NAT1: variants seen among roughly 807,000 people sequenced by gnomAD.
The protein encoded by NAT1 is N-acetyltransferase 1.
For synonymous variants in NAT1, 144 were observed against 122.6 expected (o/e 1.17, Z -1.16); for missense variants, 400 against 339.2 (o/e 1.18, Z -1.41).
intron 2 of NAT1, among the ~76,000 whole-genome samples, chr8:18,184,742 T>A (rs59765184): frequency 0.14 from 21,288 of 152,168 alleles, 1,729 homozygotes; most frequent in East Asian, 0.27. Flanking sequence ...ATGAATGGAT[T>A]AATGCTGTTG....
intron 2 of NAT1, among the ~76,000 whole-genome samples, chr8:18,188,446 T>C (rs1417904172): frequency 6.6e-6 from 1 of 152,200 alleles, no homozygotes; most frequent in African/African-American, 2.4e-5. Flanking sequence ...GGGCAAAATA[T>C]ACATTTATAA....
chr8:18,185,270 A>C (rs967342703), intron 2 of NAT1, among the ~76,000 whole-genome samples: 1 of 152,200 alleles, frequency 6.6e-6, no homozygotes, highest in Non-Finnish European at 1.5e-5. Flanking sequence ...CAGCAAAGCC[A>C]TCTAGGCCGG....
At chr8:18,191,696 C>T (rs1802998148) in intron 2 of NAT1, among the ~76,000 whole-genome samples, 1 of 152,130 alleles carries the variant, frequency 6.6e-6, no homozygotes, top group Non-Finnish European at 1.5e-5. Context: ...CGCATATCTA[C>T]AACTATCTGA....
chr8:18,202,048 A>G (rs113508001), intron 2 of NAT1, among the ~76,000 whole-genome samples: 147 of 152,360 alleles, frequency 9.6e-4, no homozygotes, highest in African/African-American at 3.4e-3. Flanking sequence ...CTATAAAAGA[A>G]ATCCCCATTT....
At position 18,222,761 on chromosome 8, in the gene NAT1, C is replaced by G. The variant is rs780126469; in HGVS notation, c.714C>G (p.Thr238=). The part of the protein sequence containing the change: ...PDGVHCLVGF[T]LTHRRFNYKD... ...GGGTTCACTGTTTGGTGGGCTTCAC[C>G]CTCACCCATAGGAGATTCAATTATA... Residue 238 remains threonine (T), a synonymous_variant, in exon 3 of 3, where the codon ACC becomes ACG. Coordinates refer to ENST00000307719, the MANE Select transcript of NAT1 (RefSeq NM_000662.8). 4 of 1,613,726 alleles carry G rather than the reference C, an allele frequency of 2.5e-6. No homozygotes were observed. The South Asian group carries it at 4.4e-5, about 18-fold the overall frequency.
intron 2 of NAT1, among the ~76,000 whole-genome samples, chr8:18,176,876 T>C (rs945517743): frequency 2.0e-5 from 3 of 152,076 alleles, no homozygotes; most frequent in Non-Finnish European, 4.4e-5. Context: ...CCATTTATTG[T>C]GTCATCTTCA....
At chr8:18,217,182 G>C (rs946408643) in intron 1 of NAT1, among the ~76,000 whole-genome samples, 1 of 152,188 alleles carries the variant, frequency 6.6e-6, no homozygotes, top group African/African-American at 2.4e-5. Context: ...TATGGAGGGT[G>C]AGCCACAAAG....
chr8:18,180,437 T>C (rs2410472), intron 2 of NAT1, among the ~76,000 whole-genome samples: 2,171 of 152,256 alleles, frequency 0.014, 29 homozygotes, highest in Non-Finnish European at 0.02. Flanking sequence ...CAAAGATCTA[T>C]TGAGCACCTG....
intron 1 of NAT1, among the ~76,000 whole-genome samples, chr8:18,210,564 C>T (rs751506607): frequency 3.3e-5 from 5 of 152,302 alleles, no homozygotes; most frequent in Non-Finnish European, 7.4e-5. Context: ...ACTTTCTCAA[C>T]AGGATTTCCC....
chr8:18,204,611 C>T (rs1358547643), intron 2 of NAT1, among the ~76,000 whole-genome samples: 2 of 151,966 alleles, frequency 1.3e-5, no homozygotes, highest in Admixed American at 6.5e-5. Context: ...ATTGAGGAAA[C>T]ATCTTTCTAA....
upstream of NAT1, chr8:18,209,699 C>G (rs182241082): frequency 6.6e-6 from 1 of 152,314 alleles, no homozygotes; most frequent in East Asian, 1.9e-4. Flanking sequence ...TAAAAGAAGT[C>G]TAATGGGAAC....
intron 2 of NAT1, among the ~76,000 whole-genome samples, chr8:18,202,402 C>G (rs536063346): frequency 3.3e-4 from 50 of 152,270 alleles, no homozygotes; most frequent in African/African-American, 1.1e-3. Flanking sequence ...AAATGAAGAC[C>G]CTTATAAAGC....
intron 2 of NAT1, among the ~76,000 whole-genome samples, chr8:18,196,293 A>C (rs1803230710): frequency 6.6e-6 from 1 of 152,162 alleles, no homozygotes; most frequent in African/African-American, 2.4e-5. Flanking sequence ...AATGTAATTA[A>C]AGTTCTGAAT....
At position 18,189,009 on chromosome 8, in the gene NAT1, AAAAG is replaced by A. The variant is rs1554469683; in HGVS notation, n.92+18290_92+18293del. ...GACTCCGACTCAAAAAAAAAAAAAA[AAAAG>A]AAAGAAAGAAAGAAAGAAAATCAGT... is the stretch of plus-strand genomic sequence containing the variant. On this transcript the variant is annotated intron_variant and non_coding_transcript_variant, in intron 2 of 4. Coordinates refer to the NAT1 transcript ENST00000517441. Among the ~76,000 whole-genome samples, 1,097 of 149,052 alleles carry A rather than the reference AAAAG, an allele frequency of 7.4e-3. 27 individuals carry two copies. Among genetic ancestry groups the A allele is most frequent in the African/African-American group, 0.026 (1,059 of 40,278 alleles).
At chr8:18,195,211 A>G (rs1803183465) in intron 2 of NAT1, among the ~76,000 whole-genome samples, 1 of 152,142 alleles carries the variant, frequency 6.6e-6, no homozygotes, top group Admixed American at 6.5e-5. Context: ...TCTCTCTAAG[A>G]TTTCTGTTTC....
chr8:18,187,095 C>T (rs746905464), intron 2 of NAT1, among the ~76,000 whole-genome samples: 12 of 151,926 alleles, frequency 7.9e-5, no homozygotes, highest in Admixed American at 7.2e-4. Context: ...AGTGTTGTCT[C>T]GGAACTGGTG....
intron 2 of NAT1, among the ~76,000 whole-genome samples, chr8:18,199,368 G>A (rs1055969616): frequency 1.1e-4 from 16 of 150,836 alleles, no homozygotes; most frequent in African/African-American, 3.7e-4. Flanking sequence ...TCTTGTTGGC[G>A]TGATTTTTGC....
intron 2 of NAT1, among the ~76,000 whole-genome samples, chr8:18,194,305 T>C (rs760306707): frequency 2.0e-5 from 3 of 152,062 alleles, no homozygotes; most frequent in Admixed American, 6.6e-5. Context: ...GGGGAGAGGG[T>C]GAGGTGGCAT....
chr8:18,222,537 A>C lies in NAT1; in HGVS notation c.490A>C (p.Ile164Leu). Residue 164 changes from isoleucine (I) to leucine (L), a missense_variant, in exon 3 of 3, where the codon ATC becomes CTC. Transcript: ENST00000307719. ...EENGFWYLDQIRREQYIPNEE... is the reference protein window; with the variant it reads ...EENGFWYLDQLRREQYIPNEE... The stretch of plus-strand genomic sequence containing the variant: ...GAATGGATTCTGGTATCTAGACCAA[A>C]TCAGAAGGGAACAGTACATTCCAAA... The C allele has an allele frequency of 6.2e-7, 1 of 1,614,150 alleles. No individual in the cohort carries two copies. The highest frequency in any genetic ancestry group is 8.5e-7 in the Non-Finnish European group (1 of 1,180,012).
Sources: gnomAD v4.1 joint callset for allele counts (sites outside exome capture counted in the v4.1 genomes callset) on GRCh38, gnomAD v4.1.1 for gene constraint, MANE v1.5 for transcripts, NCBI Gene and HGNC (gene_info 2026-07-23, HGNC 2026-07-21) for gene names.